LRP1B: variants seen among roughly 807,000 people sequenced by gnomAD.
The protein encoded by LRP1B is low-density lipoprotein receptor-related protein 1B.
A neutral mutation model predicts 556.6 loss-of-function variants in LRP1B; 217 were observed. The ratio of observed to expected loss-of-function variants is 0.39; its 90% confidence interval spans 0.35 to 0.44. LRP1B has a LOEUF of 0.44. Ranked by LOEUF, LRP1B falls within the 20% of genes least tolerant of loss-of-function variation. The pLI, the probability that LRP1B is intolerant of heterozygous loss-of-function variation, is 1.00. For synonymous variants in LRP1B, 2,047 were observed against 1,865.8 expected (o/e 1.10, Z -2.50); for missense variants, 5,053 against 5,620.8 (o/e 0.90, Z 3.23).
chr2:141,293,274 T>A (rs2105413759), intron 3 of LRP1B, among the ~76,000 whole-genome samples: 1 of 152,302 alleles, frequency 6.6e-6, no homozygotes, highest in African/African-American at 2.4e-5. Flanking sequence ...TCAAATATCA[T>A]ACATAGCAAT....
At chr2:140,370,005 CAT>C (rs1682924582) in intron 71 of LRP1B, among the ~76,000 whole-genome samples, 1 of 151,884 alleles carries the variant, frequency 6.6e-6, no homozygotes, top group Non-Finnish European at 1.5e-5. Context: ...AACTAGCAAA[CAT>C]GGATTAATTT....
chr2:141,456,046 G>A (rs1436023511), intron 3 of LRP1B, among the ~76,000 whole-genome samples: 1 of 152,156 alleles, frequency 6.6e-6, no homozygotes, highest in Non-Finnish European at 1.5e-5. Context: ...AAGAAGACAT[G>A]CAATTTTTTC....
chr2:141,121,086 G>T (rs777870135), intron 7 of LRP1B, among the ~76,000 whole-genome samples: 1 of 152,004 alleles, frequency 6.6e-6, no homozygotes, highest in Non-Finnish European at 1.5e-5. Context: ...TCTAAGCGGT[G>T]CATTTACCAC....
intron 41 of LRP1B, among the ~76,000 whole-genome samples, chr2:140,655,136 T>G (rs1684833372): frequency 6.6e-6 from 1 of 152,192 alleles, no homozygotes; most frequent in East Asian, 1.9e-4. Context: ...CGAAGTATGC[T>G]CAACATGTAA....
chr2:141,093,912 T>C (rs1700233058), intron 7 of LRP1B, among the ~76,000 whole-genome samples: 2 of 152,092 alleles, frequency 1.3e-5, no homozygotes, highest in African/African-American at 4.8e-5. Context: ...AGACAGCGTT[T>C]CACCACATTA....
chr2:141,596,707 A>G (rs73965723), intron 2 of LRP1B, among the ~76,000 whole-genome samples: 3,724 of 152,122 alleles, frequency 0.024, 149 homozygotes, highest in African/African-American at 0.085. Flanking sequence ...TTCACTTAAG[A>G]GACTTCAGTG....
rs1439948445 is a variant in LRP1B at position 141,963,347 on chromosome 2, CTGTT to C, written c.83-152950_83-152947del. 7.9e-5 allele frequency among the ~76,000 whole-genome samples: 12 copies of C among 151,974 alleles called. No individual in the cohort carries two copies. The East Asian group carries it at 2.3e-3, about 30-fold the overall frequency. Reference sequence around the variant, plus strand: ...TGCCTGAGAATAATCAACTGACCATCTGTTTGTGCTATTTTGAACATTTATAGTA... The same window carrying C: ...TGCCTGAGAATAATCAACTGACCATCTGTGCTATTTTGAACATTTATAGTA... On this transcript the variant is annotated intron_variant, in intron 1 of 90. Transcript: ENST00000389484.
chr2:140,272,221 T>A (rs1682490719), intron 85 of LRP1B, among the ~76,000 whole-genome samples: 1 of 150,502 alleles, frequency 6.6e-6, no homozygotes, highest in Admixed American at 6.7e-5. Context: ...TTTCATAATT[T>A]TCTTTTTTAG....
intron 35 of LRP1B, among the ~76,000 whole-genome samples, chr2:140,742,634 C>T (rs1688180224): frequency 6.6e-6 from 1 of 151,850 alleles, no homozygotes; most frequent in African/African-American, 2.4e-5. Context: ...GATGGGGTCT[C>T]ACTATGTTAC....
intron 27 of LRP1B, among the ~76,000 whole-genome samples, chr2:140,866,537 A>C (rs1692958718): frequency 6.6e-6 from 1 of 152,110 alleles, no homozygotes; most frequent in South Asian, 2.1e-4. Flanking sequence ...AACCATATGT[A>C]TAGAAACTCC....
chr2:141,245,130 C>T (rs1270009112), intron 5 of LRP1B, among the ~76,000 whole-genome samples: 1 of 152,126 alleles, frequency 6.6e-6, no homozygotes, highest in Non-Finnish European at 1.5e-5. Context: ...AAATAACAAG[C>T]CTTCCACTTC....
intron 1 of LRP1B, among the ~76,000 whole-genome samples, chr2:142,007,689 C>G (rs1559018108): frequency 1.3e-5 from 2 of 152,254 alleles, no homozygotes; most frequent in Admixed American, 6.5e-5. Context: ...TAACTGCTAC[C>G]CTTTCTTTTC....
At chr2:141,027,713 G>A (rs1698252652) in intron 11 of LRP1B, among the ~76,000 whole-genome samples, 1 of 152,154 alleles carries the variant, frequency 6.6e-6, no homozygotes, top group African/African-American at 2.4e-5. Context: ...CTAAATGTTT[G>A]TGTCCTCCTA....
chr2:140,546,145 C>T (rs1456831936), intron 43 of LRP1B, among the ~76,000 whole-genome samples: 3 of 151,844 alleles, frequency 2.0e-5, no homozygotes, highest in Non-Finnish European at 4.4e-5. Flanking sequence ...TATCCTGGGA[C>T]TTTGCTGAAA....
chr2:140,834,323 T>C (rs925981993), intron 31 of LRP1B, among the ~76,000 whole-genome samples: 1 of 152,134 alleles, frequency 6.6e-6, no homozygotes, highest in African/African-American at 2.4e-5. Context: ...CATTGCAACC[T>C]CTGCCTGCTG....
intron 1 of LRP1B, among the ~76,000 whole-genome samples, chr2:142,120,804 G>C (rs75084374): frequency 6.6e-6 from 1 of 152,000 alleles, no homozygotes; most frequent in Non-Finnish European, 1.5e-5. Flanking sequence ...CCATTTTACA[G>C]ACATGGCATA....
chr2:140,858,272 G>T (rs1380275178), intron 27 of LRP1B, among the ~76,000 whole-genome samples: 2 of 151,852 alleles, frequency 1.3e-5, no homozygotes, highest in African/African-American at 4.8e-5. Flanking sequence ...TTTTGGAGTA[G>T]AACTAGGGAT....
Position 141,937,479 on chromosome 2 carries a change from A to G in LRP1B, c.83-127078T>C, listed in dbSNP as rs373287771. Among the ~76,000 whole-genome samples the G allele has an allele frequency of 1.3e-4, 20 of 151,950 alleles. No individual in the cohort carries two copies. In the South Asian group the frequency reaches 4.2e-3, roughly 32 times the overall value. The stretch of plus-strand genomic sequence containing the variant: ...TAGCAAATATGGAGAAACACTTCAA[A>G]TGTATGGATTGAGACTATATATATA... On this transcript the variant is annotated intron_variant, in intron 1 of 90. Transcript: ENST00000389484.
At position 140,688,214 on chromosome 2, in the gene LRP1B, G is replaced by GA. The variant is rs146880774; in HGVS notation, c.6799+12035dup. On this transcript the variant is annotated intron_variant, in intron 41 of 90. Transcript: ENST00000389484. ...GCAACTAATTATGACACACTTGTGA[G>GA]AAAAAAAAATCAGCATTATTTGAGC... Among the ~76,000 whole-genome samples the GA allele has an allele frequency of 2.6e-3, 395 of 150,948 alleles. 2 individuals carry two copies. The highest frequency in any genetic ancestry group is 4.0e-3 in the Non-Finnish European group (268 of 67,644).
Sources: gnomAD v4.1 joint callset for allele counts (sites outside exome capture counted in the v4.1 genomes callset) on GRCh38, gnomAD v4.1.1 for gene constraint, MANE v1.5 for transcripts, NCBI Gene and HGNC (gene_info 2026-07-23, HGNC 2026-07-21) for gene names.